The following NMS variants were observed in gnomAD, a reference collection of about 807,000 sequenced individuals.
NMS encodes neuromedin S.
A neutral mutation model predicts 32.2 loss-of-function variants in NMS; 30 were observed. The observed-to-expected ratio is 0.93, with a 90% CI of 0.70 to 1.26. NMS has a LOEUF of 1.26. NMS is among the 50% of genes most tolerant of loss of function. NMS has a pLI of 0.00. For synonymous variants in NMS, 76 were observed against 58.5 expected (o/e 1.30, Z -1.37); for missense variants, 190 against 186.3 (o/e 1.02, Z -0.12).
intron 8 of NMS, among the ~76,000 whole-genome samples, chr2:100,481,711 A>G (rs963511182): frequency 6.6e-6 from 1 of 152,260 alleles, no homozygotes; most frequent in Non-Finnish European, 1.5e-5. Context: ...GGCGCTAAAA[A>G]GTATTCTGCA....
rs751065190 is a variant in NMS at position 100,473,541 on chromosome 2, T to TA, written c.183+9dup. ...GCACCTCTTTCTCGCCAACCTAAGG[T>TA]AAAAAAATGTGTATATATATAATAT... is the stretch of plus-strand genomic sequence containing the variant. On this transcript the variant is annotated splice_region_variant and intron_variant, in intron 3 of 9. Coordinates refer to ENST00000376865, the MANE Select transcript of NMS (RefSeq NM_001011717.1). 9.7e-6 allele frequency: 13 copies of TA among 1,335,166 alleles called. No individual in the cohort carries two copies. The highest frequency in any genetic ancestry group is 5.1e-5 in the South Asian group (3 of 58,460). The allele number at this position is 1,335,166 out of a possible 1,614,324, so 82.7% of individuals were successfully genotyped here. A position where few individuals can be genotyped will look rare whatever the true frequency, so the allele number is the denominator to read the frequency against.
At chr2:100,473,189 T>G (rs1677038913) in intron 2 of NMS, among the ~76,000 whole-genome samples, 1 of 152,214 alleles carries the variant, frequency 6.6e-6, no homozygotes, top group African/African-American at 2.4e-5. Flanking sequence ...AGGGTACATG[T>G]GATATTCTGA....
At chr2:100,473,396 T>C in intron 2 of NMS, 93 bp from the exon 3 acceptor site, 1 of 557,772 alleles carries the variant, frequency 1.8e-6, no homozygotes, top group Non-Finnish European at 3.0e-6. Context: ...AGGCCTTGTT[T>C]CTTCTATCTA....
At chr2:100,479,961 C>A (rs1677185134) in intron 6 of NMS, among the ~76,000 whole-genome samples, 1 of 152,116 alleles carries the variant, frequency 6.6e-6, no homozygotes, top group Admixed American at 6.5e-5. Context: ...GAACACCCTG[C>A]CCAGGTAGAG....
At chr2:100,478,585 C>T (rs1358324070) in intron 5 of NMS, among the ~76,000 whole-genome samples, 1 of 152,186 alleles carries the variant, frequency 6.6e-6, no homozygotes, top group African/African-American at 2.4e-5. Flanking sequence ...TTGCCTTAGC[C>T]TCCCAAGTAG....
intron 3 of NMS, among the ~76,000 whole-genome samples, chr2:100,474,266 T>C (rs554683854): frequency 7.3e-4 from 111 of 152,250 alleles, no homozygotes; most frequent in African/African-American, 2.6e-3. Context: ...AAAAGGGTGG[T>C]AGGATAGCCC....
Position 100,470,575 on chromosome 2 carries a change from C to T in NMS, c.76+11C>T. ...AGATTCCCTCCTCAGGTAAGGGGAG[C>T]TTCCTCAGACTCCATCTGGCCTAAA... On this transcript the variant is annotated intron_variant, in intron 1 of 9. Coordinates refer to ENST00000376865, the MANE Select transcript of NMS (RefSeq NM_001011717.1). 1 of 1,603,304 alleles carries T rather than the reference C, an allele frequency of 6.2e-7. No homozygotes were observed. Among genetic ancestry groups the T allele is most frequent in the East Asian group, 2.2e-5 (1 of 44,824 alleles).
At chr2:100,479,325 T>C in intron 5 of NMS, 28 bp from the exon 6 acceptor site, 1 of 1,583,022 alleles carries the variant, frequency 6.3e-7, no homozygotes, top group South Asian at 1.1e-5. Flanking sequence ...TCCCCCTGTC[T>C]GACCCTCTCC....
chr2:100,472,840 T>C lies in NMS; in HGVS notation c.122T>C (p.Val41Ala), dbSNP rs1677027271. The C allele has an allele frequency of 6.2e-7, 1 of 1,609,088 alleles. No homozygotes were observed. The highest frequency in any genetic ancestry group is 1.3e-5 in the African/African-American group (1 of 74,852). Residue 41 changes from valine (V) to alanine (A), a missense_variant, in exon 2 of 10, where the codon GTG becomes GCG. Coordinates refer to ENST00000376865, the MANE Select transcript of NMS (RefSeq NM_001011717.1). Reference sequence around the variant, plus strand: ...GATCCTTCAGATGGCTTGGATATTGTGCAGCTTGAGGTACCCAATTATTCA... The same window carrying C: ...GATCCTTCAGATGGCTTGGATATTGCGCAGCTTGAGGTACCCAATTATTCA... ...LADPSDGLDI[V>A]QLEQLAYCLS...
chr2:100,471,585 T>A (rs1357949343), intron 1 of NMS, among the ~76,000 whole-genome samples: 1 of 152,224 alleles, frequency 6.6e-6, no homozygotes, highest in Admixed American at 6.5e-5. Flanking sequence ...TATTACCTTT[T>A]ATGTATCTTT....
chr2:100,475,643 A>G (rs953186841), intron 3 of NMS, among the ~76,000 whole-genome samples: 19 of 152,176 alleles, frequency 1.2e-4, no homozygotes, highest in Non-Finnish European at 2.9e-5. Context: ...TTTGTATACT[A>G]GTTGGGAAAA....
chr2:100,478,503 C>T (rs1467979649), intron 5 of NMS, among the ~76,000 whole-genome samples: 1 of 152,122 alleles, frequency 6.6e-6, no homozygotes, highest in Non-Finnish European at 1.5e-5. Context: ...ACTCTTGTTG[C>T]CCAGGCTGGA....
intron 9 of NMS, among the ~76,000 whole-genome samples, chr2:100,482,824 G>C (rs925700164): frequency 5.9e-5 from 9 of 152,190 alleles, no homozygotes; most frequent in Non-Finnish European, 1.2e-4. Flanking sequence ...TGGCCTTCAG[G>C]CCTGTGGAAG....
intron 9 of NMS, among the ~76,000 whole-genome samples, chr2:100,482,714 G>A (rs115879167): frequency 6.6e-6 from 1 of 152,170 alleles, no homozygotes; most frequent in African/African-American, 2.4e-5. Context: ...AAGCTACCAG[G>A]CTCCCTACAG....
Position 100,477,402 on chromosome 2 carries a change from A to C in NMS, c.249A>C (p.Pro83=), listed in dbSNP as rs1452610402. 1 of 1,612,578 alleles carries C rather than the reference A, an allele frequency of 6.2e-7. No homozygotes were observed. The highest frequency in any genetic ancestry group is 1.1e-5 in the South Asian group (1 of 90,940). ...CCAGAACTCAGGAGGCAACACATCC[A>C]GTTAAAACTGGGGTCAGTATTTTAT... The part of the protein sequence containing the change: ...HYSRTQEATH[P]VKTGFPPVHP... The change falls in exon 5 of 10, where the codon CCA becomes CCC. Residue 83 remains proline, a synonymous_variant. Transcript: ENST00000376865.
At chr2:100,474,182 A>G (rs2104332245) in intron 3 of NMS, among the ~76,000 whole-genome samples, 1 of 152,326 alleles carries the variant, frequency 6.6e-6, no homozygotes, top group East Asian at 1.9e-4. Flanking sequence ...TGAAAACAAA[A>G]AACTTTACAG....
chr2:100,482,131 C>T lies in NMS; in HGVS notation c.415-146C>T, dbSNP rs980953691. On this transcript the variant is annotated intron_variant, in intron 8 of 9. Transcript: ENST00000376865. Reference sequence around the variant, plus strand: ...GACTAGCGCTAGCACAGGGCGAGGGCTTCCCAGGTGAGTCCCCATGGAGGG... The same window carrying T: ...GACTAGCGCTAGCACAGGGCGAGGGTTTCCCAGGTGAGTCCCCATGGAGGG... 48 of 767,236 alleles carry T rather than the reference C, an allele frequency of 6.3e-5. 1 individual carries two copies. The highest frequency in any genetic ancestry group is 4.6e-4 in the South Asian group (28 of 60,836). The allele number at this position is 767,236 out of a possible 1,614,324, so 47.5% of individuals were successfully genotyped here.
chr2:100,471,280 T>C (rs1017568505), intron 1 of NMS, among the ~76,000 whole-genome samples: 5 of 152,234 alleles, frequency 3.3e-5, no homozygotes, highest in Non-Finnish European at 5.9e-5. Context: ...CATTTTTCCA[T>C]TAGAATTTTG....
At position 100,473,474 on chromosome 2, in the gene NMS, C is replaced by T; in HGVS notation, c.133-15C>T. The T allele has an allele frequency of 2.0e-6, 3 of 1,477,584 alleles. No homozygotes were observed. Among genetic ancestry groups the T allele is most frequent in the East Asian group, 2.4e-5 (1 of 41,022 alleles). 91.5% of individuals were successfully genotyped at this position (1,477,584 alleles called of 1,614,324 possible). On this transcript the variant is annotated splice_polypyrimidine_tract_variant and intron_variant, in intron 2 of 9. Coordinates refer to ENST00000376865, the MANE Select transcript of NMS (RefSeq NM_001011717.1). The stretch of plus-strand genomic sequence containing the variant: ...CCTCATCCCTTTGATTTGTTTTCTT[C>T]ATTTTATTTTTTAGCAGCTGGCATA...
Sources: gnomAD v4.1 joint callset for allele counts (sites outside exome capture counted in the v4.1 genomes callset) on GRCh38, gnomAD v4.1.1 for gene constraint, MANE v1.5 for transcripts, NCBI Gene and HGNC (gene_info 2026-07-23, HGNC 2026-07-21) for gene names.